ATRX: variants seen among roughly 807,000 people sequenced by gnomAD.
ATRX encodes chromatin remodeler ATRX.
Under a neutral mutation model 172.6 loss-of-function variants are expected in ATRX, and 12 were observed. The observed-to-expected ratio is 0.07, with a 90% CI of 0.04 to 0.11. The LOEUF is 0.11. Among genes scored for constraint, ATRX ranks in the 10% least tolerant of loss-of-function variants. The pLI is 1.00. For missense variants in ATRX, 1,368 were observed against 1,767.4 expected (o/e 0.77, Z 4.05); for synonymous variants, 674 against 594.7 (o/e 1.13, Z -1.94).
chrX:77,634,169 A>G (rs1210150766), intron 17 of ATRX, among the ~76,000 whole-genome samples: 1 of 100,877 alleles, frequency 9.9e-6, no homozygotes, highest in East Asian at 3.2e-4. Flanking sequence ...AAATGCAGCA[A>G]TTTTAATAGT....
intron 6 of ATRX, among the ~76,000 whole-genome samples, chrX:77,692,681 T>A (rs1254300807): frequency 9.0e-6 from 1 of 111,549 alleles, no homozygotes; most frequent in Admixed American, 9.6e-5. Context: ...CATTTGGAGA[T>A]TCATTCCTTT....
intron 32 of ATRX, chrX:77,522,015 A>C (rs1213616515): frequency 8.6e-6 from 3 of 350,510 alleles, no homozygotes; most frequent in Non-Finnish European, 1.5e-5. Context: ...CAGCAGCCCT[A>C]TTGTTTCTTA....
chrX:77,713,753 A>T lies in ATRX; in HGVS notation c.133+3378T>A, dbSNP rs138458513. 2.5e-3 allele frequency among the ~76,000 whole-genome samples: 274 copies of T among 111,653 alleles called. 2 individuals carry two copies. The highest frequency in any genetic ancestry group is 8.5e-3 in the African/African-American group (261 of 30,818). On this transcript the variant is annotated intron_variant, in intron 2 of 34. Coordinates refer to ENST00000373344, the MANE Select transcript of ATRX (RefSeq NM_000489.6). ...ACAAGTTAGAACATCACCATTTTGAACCCATCATAGGAATAAATTATTCAG... is the reference window on the plus strand; with the variant it reads ...ACAAGTTAGAACATCACCATTTTGATCCCATCATAGGAATAAATTATTCAG...
intron 1 of ATRX, among the ~76,000 whole-genome samples, chrX:77,784,457 A>G (rs1488153046): frequency 1.8e-5 from 2 of 112,506 alleles, no homozygotes; most frequent in Non-Finnish European, 3.7e-5. Context: ...ACTTCAAACT[A>G]TAGTTTCAAA....
intron 11 of ATRX, among the ~76,000 whole-genome samples, chrX:77,664,321 G>A (rs188885405): frequency 1.3e-3 from 140 of 109,137 alleles, no homozygotes; most frequent in African/African-American, 4.3e-3. Flanking sequence ...GTGCAGCAGC[G>A]TGATCTCGGC....
At chrX:77,691,132 T>C (rs2071862412) in intron 6 of ATRX, 1 of 112,379 alleles carries the variant, frequency 8.9e-6, no homozygotes, top group Admixed American at 9.4e-5. Context: ...TGTTATACTT[T>C]TAAATGAAAA....
intron 1 of ATRX, among the ~76,000 whole-genome samples, chrX:77,750,479 G>T (rs1355761321): frequency 1.8e-5 from 2 of 111,049 alleles, no homozygotes; most frequent in South Asian, 3.8e-4. Context: ...AAGGGAGGAG[G>T]TATAAACATA....
chrX:77,712,207 T>C (rs1234754475), intron 2 of ATRX, among the ~76,000 whole-genome samples: 2 of 112,068 alleles, frequency 1.8e-5, no homozygotes, highest in South Asian at 7.4e-4. Flanking sequence ...GGATTAACAA[T>C]GGGGAATTCA....
chrX:77,618,578 C>G (rs1011736474), intron 21 of ATRX, among the ~76,000 whole-genome samples: 5 of 111,879 alleles, frequency 4.5e-5, no homozygotes, highest in Non-Finnish European at 9.4e-5. Context: ...TGAGGCTTTA[C>G]ACCTGGCAAA....
rs782328216 is a variant in ATRX at position 77,610,540 on chromosome X, T to G, written c.5566+6073A>C. Reference sequence around the variant, plus strand: ...ACAGAGAGAAGGGGATAGAGCCAATTTGAAGAGGTAATTTAATACACATTA... The same window carrying G: ...ACAGAGAGAAGGGGATAGAGCCAATGTGAAGAGGTAATTTAATACACATTA... On this transcript the variant is annotated intron_variant, in intron 22 of 34. Transcript: ENST00000373344. Among the ~76,000 whole-genome samples the G allele has an allele frequency of 2.7e-5, 3 of 111,515 alleles. No individual in the cohort carries two copies. In the South Asian group the frequency reaches 1.1e-3, roughly 41 times the overall value.
chrX:77,705,026 G>C (rs2072738251), intron 2 of ATRX, among the ~76,000 whole-genome samples: 1 of 111,812 alleles, frequency 8.9e-6, no homozygotes, highest in Admixed American at 9.4e-5. Context: ...ACTCCAGCCT[G>C]CTCCATAAAG....
chrX:77,773,529 G>A (rs1477038615), intron 1 of ATRX, among the ~76,000 whole-genome samples: 6 of 110,627 alleles, frequency 5.4e-5, no homozygotes, highest in South Asian at 3.8e-4. Flanking sequence ...CAAGGCGGGC[G>A]GATCACGAAG....
intron 16 of ATRX, 147 bp from the exon 17 acceptor site, chrX:77,634,850 T>C (rs782781477): frequency 1.8e-5 from 9 of 510,160 alleles, no homozygotes; most frequent in Non-Finnish European, 3.0e-5. Flanking sequence ...CTAAATGGGA[T>C]TTTTTCCCAC....
rs2148143657 is a variant in ATRX at position 77,599,520 on chromosome X, G to A, written c.5847C>T (p.Asp1949=). 1 of 1,209,168 alleles carries A rather than the reference G, an allele frequency of 8.3e-7. No homozygotes were observed. The highest frequency in any genetic ancestry group is 1.8e-5 in the African/African-American group (1 of 57,010). ...KDSSSSGSGS[D]NDVEVIKVWN... ...AGACCTTAATCACTTCAACATCATT[G>A]TCACTGCCACTTCCACTTGAGCTAC... Residue 1949 remains aspartate, a synonymous_variant, in exon 25 of 35, where the codon GAC becomes GAT. Transcript: ENST00000373344.
At position 77,508,325 on chromosome X, in the gene ATRX, C is replaced by T. The variant is rs782005409; in HGVS notation, c.*26G>A. The T allele has an allele frequency of 8.3e-7, 1 of 1,201,001 alleles. No individual in the cohort carries two copies. The highest frequency in any genetic ancestry group is 1.8e-5 in the South Asian group (1 of 56,500). ...ATAAAAGATCTTTCTATGATTTTAA[C>T]AATCCATTAAGCTTTTAGTGCAAAA... On this transcript the variant is annotated 3_prime_UTR_variant, in exon 35 of 35. Coordinates refer to ENST00000373344, the MANE Select transcript of ATRX (RefSeq NM_000489.6).
At chrX:77,718,368 C>CTT (rs543544690) in intron 1 of ATRX, among the ~76,000 whole-genome samples, 12 of 89,384 alleles carry the variant, frequency 1.3e-4, no homozygotes, top group East Asian at 3.5e-4. Flanking sequence ...AGCATCAACT[C>CTT]TTTTTTTTTT....
chrX:77,766,030 T>A (rs1458150766), intron 1 of ATRX, among the ~76,000 whole-genome samples: 1 of 111,797 alleles, frequency 8.9e-6, no homozygotes, highest in Non-Finnish European at 1.9e-5. Context: ...ATCAACAGGA[T>A]CCCAAGGCAG....
At chrX:77,716,323 A>AATATATAT (rs1292367303) in intron 2 of ATRX, among the ~76,000 whole-genome samples, 227 of 20,996 alleles carry the variant, frequency 0.011, 5 homozygotes, top group Admixed American at 0.017. Context: ...AAAAAAAAAA[A>AATATATAT]ATATATATAT....
rs2062704604 is a variant in ATRX, at chrX:77,506,278, A to G, written c.*2073T>C. The G allele has an allele frequency of 1.7e-5, 3 of 171,466 alleles. No homozygotes were observed. The South Asian group carries it at 9.3e-4, about 53-fold the overall frequency. 14.1% of individuals were successfully genotyped at this position (171,466 alleles called of 1,213,427 possible). On this transcript the variant is annotated 3_prime_UTR_variant, in exon 35 of 35. Transcript: ENST00000373344. ...TGATGTTATACTCAAAGTACATATT[A>G]TATAGCTAAAATGTCAAGTGAGAAG...
Sources: gnomAD v4.1 joint callset for allele counts (sites outside exome capture counted in the v4.1 genomes callset) on GRCh38, gnomAD v4.1.1 for gene constraint, MANE v1.5 for transcripts, NCBI Gene and HGNC (gene_info 2026-07-23, HGNC 2026-07-21) for gene names.